Variants in HECTD4 observed in about 807,000 individuals in gnomAD.
The protein encoded by HECTD4 is probable E3 ubiquitin-protein ligase HECTD4.
In HECTD4, 114 loss-of-function variants were observed where a neutral mutation model predicts 471.5. The observed-to-expected ratio is 0.24, with a 90% CI of 0.21 to 0.28. The LOEUF (loss-of-function observed/expected upper bound fraction) is 0.28. Among genes scored for constraint, HECTD4 ranks in the 10% least tolerant of loss-of-function variants. The pLI is 1.00. For synonymous variants in HECTD4, 2,012 were observed against 2,256.0 expected, an observed-to-expected ratio of 0.89 and a Z score of 3.07; for missense variants, 3,866 against 5,651.5, an observed-to-expected ratio of 0.68 and a Z score of 10.13.
chr12:112,248,034 A>C, intron 27 of HECTD4, 33 bp downstream of exon 27: 1 of 1,491,566 alleles, frequency 6.7e-7, no homozygotes, highest in Non-Finnish European at 9.3e-7. Flanking sequence ...CTAAATGGCA[A>C]TACCCCAGTG....
chr12:112,298,111 T>C (rs1409889888), intron 7 of HECTD4, among the ~76,000 whole-genome samples: 1 of 151,756 alleles, frequency 6.6e-6, no homozygotes, highest in Non-Finnish European at 1.5e-5. Context: ...CAAGAGAAAA[T>C]GGAAGGAGAG....
chr12:112,347,210 C>T (rs1316111412), intron 1 of HECTD4, among the ~76,000 whole-genome samples: 1 of 152,010 alleles, frequency 6.6e-6, no homozygotes, highest in African/African-American at 2.4e-5. Context: ...CAAGCAGGCT[C>T]TTTGAAAAAG....
chr12:112,226,809 T>A, intron 43 of HECTD4, 51 bp from the exon 44 acceptor site: 2 of 1,353,520 alleles, frequency 1.5e-6, no homozygotes, highest in Non-Finnish European at 2.1e-6. Context: ...GTTCATTGTC[T>A]AAAAAAGTCA....
In HECTD4 at chr12:112,251,109, C is replaced by G; in HGVS notation, c.3578G>C (p.Gly1193Ala). Reference protein sequence around the residue: ...AQESSEDVSGGLPFLVDLALG... With the variant: ...AQESSEDVSGALPFLVDLALG... ...AGCCAGGTCTACCAGAAAGGGCAAG[C>G]CTCCTGAGACATCCTCCGAAGACTC... The change falls in exon 24 of 76, where the codon GGC becomes GCC. Residue 1193 changes from glycine to alanine, a missense_variant. Physicochemically the swap from Gly to Ala is moderately conservative, Grantham distance 60. Coordinates refer to ENST00000682272, the MANE Select transcript of HECTD4 (RefSeq NM_001388303.1). 1.9e-6 allele frequency: 3 copies of G among 1,613,898 alleles called. No individual in the cohort carries two copies. Among genetic ancestry groups the G allele is most frequent in the Non-Finnish European group, 2.5e-6 (3 of 1,179,848 alleles).
rs1593991935 is a variant in HECTD4, at chr12:112,266,955, A to C, written c.2349T>G (p.Gly783=). The C allele has an allele frequency of 1.3e-6, 2 of 1,534,724 alleles. No individual in the cohort carries two copies. Among genetic ancestry groups the C allele is most frequent in the Non-Finnish European group, 8.9e-7 (1 of 1,129,404 alleles). ...ISSGLNILYP[G]ETEINNLLKL... The stretch of plus-strand genomic sequence containing the variant: ...TAAGTAAGTTATTGATTTCAGTTTC[A>C]CCTGGGTACAAGATATTTAAACCAG... Residue 783 remains glycine (G), a synonymous_variant, in exon 14 of 76, where the codon GGT becomes GGG. Coordinates refer to ENST00000682272, the MANE Select transcript of HECTD4 (RefSeq NM_001388303.1).
chr12:112,262,971 C>T (rs980376481), intron 17 of HECTD4, among the ~76,000 whole-genome samples: 4 of 152,128 alleles, frequency 2.6e-5, no homozygotes, highest in Admixed American at 2.0e-4. Flanking sequence ...GAACTCTGAA[C>T]TAATGATGAG....
At chr12:112,181,966 C>G (rs562005387) in intron 62 of HECTD4, among the ~76,000 whole-genome samples, 31 of 152,170 alleles carry the variant, frequency 2.0e-4, no homozygotes, top group African/African-American at 7.5e-4. Context: ...GCGGCGTGCA[C>G]CTGTAATCCC....
intron 55 of HECTD4, among the ~76,000 whole-genome samples, chr12:112,200,004 G>A (rs752273334): frequency 4.6e-5 from 7 of 152,088 alleles, no homozygotes; most frequent in South Asian, 2.1e-4. Context: ...CTGTCTAGAC[G>A]GCAAGACCTC....
chr12:112,286,724 T>C (rs1274578543), intron 7 of HECTD4, among the ~76,000 whole-genome samples: 1 of 152,090 alleles, frequency 6.6e-6, no homozygotes, highest in Non-Finnish European at 1.5e-5. Flanking sequence ...GGTAAAACCA[T>C]GTCTTCCCTC....
chr12:112,325,002 C>T (rs184254806), intron 1 of HECTD4, among the ~76,000 whole-genome samples: 1 of 152,138 alleles, frequency 6.6e-6, no homozygotes, highest in Admixed American at 6.5e-5. Flanking sequence ...TTTTATTGAA[C>T]TCAAATGATG....
At chr12:112,208,154 CA>C (rs2135540252) in intron 51 of HECTD4, among the ~76,000 whole-genome samples, 154 bp from the exon 52 acceptor site, 1 of 152,316 alleles carries the variant, frequency 6.6e-6, no homozygotes, top group African/African-American at 2.4e-5. Context: ...GATACACCCC[CA>C]GATGCCAGGG....
rs565852409 is a variant in HECTD4, at chr12:112,213,487, C to T, written c.7466-837G>A. ...GGATCACAAGGTCAGGAGATCGAGTCCATCCTGGCTAACACGGTGAAACCC... is the reference window on the plus strand; with the variant it reads ...GGATCACAAGGTCAGGAGATCGAGTTCATCCTGGCTAACACGGTGAAACCC... On this transcript the variant is annotated intron_variant, in intron 48 of 75. Transcript: ENST00000682272. The surrounding 1 kb of genome is among the most constrained non-coding windows in gnomAD (Gnocchi z 4.0). Among the ~76,000 whole-genome samples the T allele has an allele frequency of 5.4e-5, 8 of 148,698 alleles. No homozygotes were observed. The South Asian group carries it at 1.5e-3, about 28-fold the overall frequency.
intron 52 of HECTD4, 128 bp downstream of exon 52, chr12:112,207,746 A>T: frequency 1.0e-6 from 1 of 997,500 alleles, no homozygotes; most frequent in Non-Finnish European, 1.4e-6. Flanking sequence ...ACTAAAGGTA[A>T]GGTCAAAGAC....
In HECTD4 at chr12:112,161,423, C is replaced by A. The variant is rs2030685376; in HGVS notation, c.*964G>T. 1 of 152,220 alleles carries A rather than the reference C, an allele frequency of 6.6e-6. No homozygotes were observed. The highest frequency in any genetic ancestry group is 2.1e-4 in the South Asian group (1 of 4,822). 9.4% of individuals were successfully genotyped at this position (152,220 alleles called of 1,614,324 possible). Reference sequence around the variant, plus strand: ...AGCAGACCCCAAATTGAGCAGAGCACCTCAGTCCACTCTTTTGAAAATGGG... The same window carrying A: ...AGCAGACCCCAAATTGAGCAGAGCAACTCAGTCCACTCTTTTGAAAATGGG... On this transcript the variant is annotated 3_prime_UTR_variant, in exon 76 of 76. Coordinates refer to ENST00000682272, the MANE Select transcript of HECTD4 (RefSeq NM_001388303.1).
Position 112,259,227 on chromosome 12 carries a change from A to C in HECTD4, c.2912T>G (p.Leu971Arg). 6.2e-7 allele frequency: 1 copy of C among 1,613,976 alleles called. No homozygotes were observed. Among genetic ancestry groups the C allele is most frequent in the Non-Finnish European group, 8.5e-7 (1 of 1,179,858 alleles). ...CAGTAACACTGGAAGAAGGTGACCA[A>C]GCATAGTAGCCTTAGTAACTTGTTC... Reference protein sequence around the residue: ...GLEQVTKATMLGHLLPVLLTS... With the variant: ...GLEQVTKATMRGHLLPVLLTS... The change falls in exon 19 of 76, where the codon CTT (leucine) becomes CGT (arginine). Residue 971 changes from leucine to arginine, a missense_variant. This residue lies in a region of HECTD4 where 525 missense variants were observed against 672.6 expected (regional missense o/e 0.78). Coordinates refer to ENST00000682272, the MANE Select transcript of HECTD4 (RefSeq NM_001388303.1).
chr12:112,229,252 G>A (rs1006100755), intron 41 of HECTD4, among the ~76,000 whole-genome samples: 1 of 152,086 alleles, frequency 6.6e-6, no homozygotes, highest in Non-Finnish European at 1.5e-5. Context: ...ATTTGAACCC[G>A]GGAGACAGAG....
Position 112,270,251 on chromosome 12 carries a change from T to A in HECTD4, c.2151A>T (p.Ile717=), listed in dbSNP as rs1362272645. 2 of 1,613,394 alleles carry A rather than the reference T, an allele frequency of 1.2e-6. No homozygotes were observed. The highest frequency in any genetic ancestry group is 8.5e-7 in the Non-Finnish European group (1 of 1,179,294). ...KAMVNGDTCI[I]RCILVVFQVV... is the part of the protein sequence containing the mutation. ...CCTGAAAGACAACGAGAATGCAGCG[T>A]ATAATACAGGTATCTCCATTAACCA... The change falls in exon 12 of 76, where the codon ATA becomes ATT. Residue 717 remains isoleucine, a synonymous_variant. Transcript: ENST00000682272.
At chr12:112,285,040 G>A (rs1329872136) in intron 7 of HECTD4, among the ~76,000 whole-genome samples, 3 of 152,100 alleles carry the variant, frequency 2.0e-5, no homozygotes, top group Non-Finnish European at 4.4e-5. Flanking sequence ...GTTTTGCCAT[G>A]TTGCCCAGGC....
rs747046233 is a variant in HECTD4, at chr12:112,217,059, T to A, written c.7211A>T (p.Tyr2404Phe). The change falls in exon 46 of 76, where the codon TAT becomes TTT. Residue 2404 changes from tyrosine (Y) to phenylalanine (F), a missense_variant. Physicochemically the swap from Tyr to Phe is conservative, Grantham distance 22. Transcript: ENST00000682272. ...CTGAACTGGCAGTGGTGAAGTGGCA[T>A]AGATAAAAGTGCCCCGGGGCAGGCC... ...GGGLPRGTFIYATSPLPVQAP... is the reference protein window; with the variant it reads ...GGGLPRGTFIFATSPLPVQAP... 6.3e-7 allele frequency: 1 copy of A among 1,581,168 alleles called. No homozygotes were observed. Among genetic ancestry groups the A allele is most frequent in the Non-Finnish European group, 8.6e-7 (1 of 1,162,168 alleles).
Sources: gnomAD v4.1 joint callset for allele counts (sites outside exome capture counted in the v4.1 genomes callset) on GRCh38, gnomAD v4.1.1 for gene constraint, gnomAD v4.1.1 regional missense constraint, Gnocchi (gnomAD v3.1) non-coding constraint, MANE v1.5 for transcripts, NCBI Gene and HGNC (gene_info 2026-07-23, HGNC 2026-07-21) for gene names.